Variants in ADAMTS12 observed in about 807,000 individuals in gnomAD.
ADAMTS12 encodes ADAM metallopeptidase with thrombospondin type 1 motif 12.
In ADAMTS12, 118 loss-of-function variants were observed where a neutral mutation model predicts 167.8. The ratio of observed to expected loss-of-function variants is 0.70; its 90% CI spans 0.61 to 0.82. The LOEUF (loss-of-function observed/expected upper bound fraction) is 0.82, where lower values mean the gene tolerates loss of function less well. Among genes scored for constraint, ADAMTS12 ranks in the 40% least tolerant of loss-of-function variants. The pLI is 0.00. For synonymous variants in ADAMTS12, 704 were observed against 716.9 expected (o/e 0.98, Z 0.29); for missense variants, 1,916 against 1,998.8 (o/e 0.96, Z 0.79).
intron 2 of ADAMTS12, among the ~76,000 whole-genome samples, chr5:33,848,909 G>T (rs1027281947): frequency 2.0e-5 from 3 of 151,014 alleles, no homozygotes; most frequent in East Asian, 3.9e-4. Context: ...ACACACACAT[G>T]ATATATATAT....
intron 2 of ADAMTS12, among the ~76,000 whole-genome samples, chr5:33,793,891 G>A (rs947942108): frequency 4.6e-5 from 7 of 152,190 alleles, no homozygotes; most frequent in Non-Finnish European, 5.9e-5. Flanking sequence ...CTCCCCGCCT[G>A]TGAAGTCTGC....
intron 19 of ADAMTS12, among the ~76,000 whole-genome samples, chr5:33,564,169 C>T (rs1012754352): frequency 6.6e-6 from 1 of 152,236 alleles, no homozygotes; most frequent in African/African-American, 2.4e-5. Context: ...TTAGAAATCA[C>T]TTCCTGTTTT....
chr5:33,890,933 G>A (rs940574516), intron 1 of ADAMTS12, among the ~76,000 whole-genome samples: 2 of 152,086 alleles, frequency 1.3e-5, no homozygotes, highest in African/African-American at 2.4e-5. Flanking sequence ...AGAGTGCCAC[G>A]CGGGCCATTG....
chr5:33,879,280 T>A (rs1580013779), intron 2 of ADAMTS12, among the ~76,000 whole-genome samples: 1 of 152,152 alleles, frequency 6.6e-6, no homozygotes, highest in East Asian at 1.9e-4. Context: ...GTCTTTGTAA[T>A]GAGCTCCCCA....
chr5:33,557,661 A>G (rs977249619), intron 20 of ADAMTS12, among the ~76,000 whole-genome samples: 42 of 152,180 alleles, frequency 2.8e-4, no homozygotes, highest in African/African-American at 9.4e-4. Context: ...AGGGGTCTCA[A>G]TAATCAAGAT....
At chr5:33,757,428 GGA>G (rs1416480706) in intron 2 of ADAMTS12, among the ~76,000 whole-genome samples, 1 of 152,224 alleles carries the variant, frequency 6.6e-6, no homozygotes, top group African/African-American at 2.4e-5. Context: ...TGTTCTAGCA[GGA>G]ACCACGGACG....
At chr5:33,541,587 A>C (rs1445773389) in intron 22 of ADAMTS12, among the ~76,000 whole-genome samples, 2 of 152,236 alleles carry the variant, frequency 1.3e-5, no homozygotes, top group Admixed American at 6.5e-5. Context: ...CCAGAGAGAA[A>C]GGTCGGGTTA....
chr5:33,717,311 C>T (rs1039992219), intron 3 of ADAMTS12, among the ~76,000 whole-genome samples: 1 of 152,100 alleles, frequency 6.6e-6, no homozygotes, highest in Non-Finnish European at 1.5e-5. Flanking sequence ...TAAGGGGAAC[C>T]CAGAGTTGAC....
chr5:33,754,443 C>T, intron 2 of ADAMTS12, among the ~76,000 whole-genome samples: 1 of 152,202 alleles, frequency 6.6e-6, no homozygotes, highest in East Asian at 1.9e-4. Context: ...TAAACATGCC[C>T]CTTCACCTCC....
intron 2 of ADAMTS12, among the ~76,000 whole-genome samples, chr5:33,878,648 A>G (rs539192816): frequency 6.6e-6 from 1 of 152,306 alleles, no homozygotes; most frequent in East Asian, 1.9e-4. Context: ...ACCTGGGGAG[A>G]TCTGGTACTT....
intron 2 of ADAMTS12, among the ~76,000 whole-genome samples, chr5:33,846,672 A>C (rs563464490): frequency 2.0e-5 from 3 of 152,140 alleles, no homozygotes; most frequent in African/African-American, 7.2e-5. Context: ...GCTACATCTT[A>C]TATTTCTTTG....
intron 2 of ADAMTS12, among the ~76,000 whole-genome samples, chr5:33,831,558 T>C (rs540709577): frequency 6.6e-6 from 1 of 152,348 alleles, no homozygotes; most frequent in East Asian, 1.9e-4. Flanking sequence ...AGGTGCGTTG[T>C]AGGTTCCAAC....
At chr5:33,597,563 G>A (rs1038821167) in intron 16 of ADAMTS12, among the ~76,000 whole-genome samples, 1 of 152,094 alleles carries the variant, frequency 6.6e-6, no homozygotes, top group Non-Finnish European at 1.5e-5. Context: ...CCACCACCTC[G>A]CACTGCCTCA....
intron 2 of ADAMTS12, among the ~76,000 whole-genome samples, chr5:33,827,757 AGATAGAAT>A (rs1748143077): frequency 7.1e-6 from 1 of 140,296 alleles, no homozygotes; most frequent in African/African-American, 2.7e-5. Flanking sequence ...ATAGATAGAT[AGATAGAAT>A]GTTTTTGTTT....
In ADAMTS12 at chr5:33,637,737, A is replaced by C. The variant is rs1169099867; in HGVS notation, c.1728T>G (p.Phe576Leu). 6.2e-7 allele frequency: 1 copy of C among 1,612,758 alleles called. No individual in the cohort carries two copies. The highest frequency in any genetic ancestry group is 1.7e-5 in the Admixed American group (1 of 59,892). Residue 576 changes from phenylalanine (F) to leucine (L), a missense_variant, in exon 12 of 24, where the codon TTT (phenylalanine) becomes TTG (leucine). By Grantham distance (22) the Phe-to-Leu change is conservative. Coordinates refer to ENST00000504830, the MANE Select transcript of ADAMTS12 (RefSeq NM_030955.4). ...TTTCTCCAGTGCAATATTTCCCTCCAAACTTTGGCCTGCAAATGAAACAGA... is the reference window on the plus strand; with the variant it reads ...TTTCTCCAGTGCAATATTTCCCTCCCAACTTTGGCCTGCAAATGAAACAGA... ...ERLCNNPEPK[F>L]GGKYCTGERK...
At chr5:33,847,604 C>G (rs1270659304) in intron 2 of ADAMTS12, among the ~76,000 whole-genome samples, 1 of 147,984 alleles carries the variant, frequency 6.8e-6, no homozygotes, top group Non-Finnish European at 1.5e-5. Flanking sequence ...GCCTGGGCAA[C>G]AAGAGCAAAA....
intron 19 of ADAMTS12, among the ~76,000 whole-genome samples, chr5:33,573,282 A>G (rs1306110791): frequency 4.6e-5 from 7 of 152,294 alleles, no homozygotes; most frequent in Admixed American, 1.3e-4. Context: ...AAAAGAGCCC[A>G]CATCACCAAG....
chr5:33,586,265 A>G (rs1747346883), intron 18 of ADAMTS12, among the ~76,000 whole-genome samples: 1 of 152,222 alleles, frequency 6.6e-6, no homozygotes, highest in African/African-American at 2.4e-5. Flanking sequence ...ATTTCATCAT[A>G]CTCCAGCAAA....
chr5:33,542,309 C>A (rs756956350), intron 22 of ADAMTS12, among the ~76,000 whole-genome samples: 30 of 152,096 alleles, frequency 2.0e-4, no homozygotes, highest in Admixed American at 1.4e-3. Flanking sequence ...TACATGCACC[C>A]AATACAGGAG....
Sources: gnomAD v4.1 joint callset for allele counts (sites outside exome capture counted in the v4.1 genomes callset) on GRCh38, gnomAD v4.1.1 for gene constraint, MANE v1.5 for transcripts, NCBI Gene and HGNC (gene_info 2026-07-23, HGNC 2026-07-21) for gene names.